The following SLC25A28 variants were observed in gnomAD, a reference collection of about 807,000 sequenced individuals.
The protein encoded by SLC25A28 is mitoferrin-2.
In SLC25A28, 10 loss-of-function variants were observed where a neutral mutation model predicts 31.9. That is an observed-to-expected ratio of 0.31 (90% CI 0.19 to 0.53). The LOEUF (loss-of-function observed/expected upper bound fraction) is 0.53. SLC25A28 is among the 20% of genes least tolerant of loss of function. SLC25A28 has a pLI of 0.95. For missense variants in SLC25A28, 256 were observed against 490.3 expected (o/e 0.52, Z 4.51); for synonymous variants, 208 against 203.6 (o/e 1.02, Z -0.19).
the SLC25A28 span, among the ~76,000 whole-genome samples, chr10:99,655,631 G>C: frequency 6.6e-6 from 1 of 152,078 alleles, no homozygotes; most frequent in Non-Finnish European, 1.5e-5. Context: ...TGGTATGAAT[G>C]TATCTCTTTT....
the SLC25A28 span, among the ~76,000 whole-genome samples, chr10:99,644,751 T>C: frequency 6.6e-6 from 1 of 152,200 alleles, no homozygotes; most frequent in Non-Finnish European, 1.5e-5. Flanking sequence ...GCAGGCCTGG[T>C]GGTGACAAAA....
chr10:99,610,870 T>C lies in SLC25A28; in HGVS notation c.1074A>G (p.Glu358=). Residue 358 remains glutamate (E), a synonymous_variant, in exon 4 of 4, where the codon GAA becomes GAG. Coordinates refer to ENST00000370495, the MANE Select transcript of SLC25A28 (RefSeq NM_031212.4). Reference sequence around the variant, plus strand: ...TACTTCACTTGCCAGCCCTCCACTCTTCTTGCCTTTTAGTGATTAGGTATT... The same window carrying C: ...TACTTCACTTGCCAGCCCTCCACTCCTCTTGCCTTTTAGTGATTAGGTATT... ...FFKYLITKRQ[E]EWRAGK The C allele has an allele frequency of 6.2e-7, 1 of 1,614,072 alleles. No individual in the cohort carries two copies. The highest frequency in any genetic ancestry group is 1.7e-5 in the Admixed American group (1 of 60,024).
the SLC25A28 span, among the ~76,000 whole-genome samples, chr10:99,648,620 T>C: frequency 6.6e-6 from 1 of 152,154 alleles, no homozygotes; most frequent in African/African-American, 2.4e-5. Context: ...CTACTATTTC[T>C]TTCATCAATG....
chr10:99,620,993 C>T, upstream of SLC25A28: 2 of 984,766 alleles, frequency 2.0e-6, no homozygotes, highest in Non-Finnish European at 2.4e-6. Flanking sequence ...GGCTGGAGAG[C>T]GGGCGGCCCT....
At chr10:99,650,829 C>G in the SLC25A28 span, among the ~76,000 whole-genome samples, 1 of 152,128 alleles carries the variant, frequency 6.6e-6, no homozygotes, top group Non-Finnish European at 1.5e-5. Context: ...TGGAGCAGGG[C>G]AACAGCTGCA....
the SLC25A28 span, among the ~76,000 whole-genome samples, chr10:99,639,450 A>G: frequency 2.0e-5 from 3 of 152,122 alleles, no homozygotes; most frequent in African/African-American, 7.2e-5. Flanking sequence ...ATATGTAACC[A>G]AATACCACCT....
the SLC25A28 span, among the ~76,000 whole-genome samples, chr10:99,642,899 C>G: frequency 6.6e-6 from 1 of 152,224 alleles, no homozygotes; most frequent in Non-Finnish European, 1.5e-5. Context: ...ACCAGCCTTG[C>G]ATCCTAGGGA....
Position 99,610,945 on chromosome 10 carries a change from A to G in SLC25A28, c.999T>C (p.Ile333=). The change falls in exon 4 of 4, where the codon ATT becomes ATC. Residue 333 remains isoleucine, a synonymous_variant. Coordinates refer to ENST00000370495, the MANE Select transcript of SLC25A28 (RefSeq NM_031212.4). ...CGATGGCTGTGGAGGGGATCTGGTA[A>G]ATTACTCTGGCCTGCACCCCTCGGA... is the stretch of plus-strand genomic sequence containing the variant. ...AYFRGVQARV[I]YQIPSTAIAW... 1 of 1,614,174 alleles carries G rather than the reference A, an allele frequency of 6.2e-7. No individual in the cohort carries two copies. The highest frequency in any genetic ancestry group is 1.3e-5 in the African/African-American group (1 of 75,036).
chr10:99,651,930 T>C, the SLC25A28 span: 1 of 152,102 alleles, frequency 6.6e-6, no homozygotes, highest in Admixed American at 6.6e-5. Flanking sequence ...TTTCTTTTGG[T>C]GTGTGAGTGT....
intron 1 of SLC25A28, chr10:99,619,106 T>C (rs2034725353): frequency 1.0e-6 from 1 of 985,338 alleles, no homozygotes. Flanking sequence ...TCTGTTTCTT[T>C]CTTCACCCAG....
chr10:99,637,712 C>CA, the SLC25A28 span, among the ~76,000 whole-genome samples: 1 of 150,266 alleles, frequency 6.7e-6, no homozygotes, highest in Non-Finnish European at 1.5e-5. Flanking sequence ...AACAAACAAA[C>CA]AAAAAAACTT....
the SLC25A28 span, among the ~76,000 whole-genome samples, chr10:99,634,426 C>T: frequency 5.4e-5 from 2 of 37,354 alleles, no homozygotes; most frequent in Admixed American, 3.1e-4. Flanking sequence ...GAGAAATATT[C>T]GAGGAAATAG....
intron 1 of SLC25A28, chr10:99,616,160 T>C: frequency 2.0e-6 from 2 of 985,398 alleles, no homozygotes; most frequent in Non-Finnish European, 2.4e-6. Flanking sequence ...GTGAAAAACT[T>C]CTACCTGGCT....
the SLC25A28 span, among the ~76,000 whole-genome samples, chr10:99,633,574 G>T: frequency 1.3e-5 from 2 of 150,748 alleles, no homozygotes; most frequent in Non-Finnish European, 2.9e-5. Flanking sequence ...GTGCATGCCT[G>T]TAATCACAGC....
chr10:99,627,261 CT>C, the SLC25A28 span, among the ~76,000 whole-genome samples: 2 of 151,716 alleles, frequency 1.3e-5, no homozygotes, highest in African/African-American at 4.8e-5. Flanking sequence ...AAAAAAAAGT[CT>C]TTTTTTGGAT....
At chr10:99,659,262 G>A in the SLC25A28 span, among the ~76,000 whole-genome samples, 1 of 152,242 alleles carries the variant, frequency 6.6e-6, no homozygotes, top group South Asian at 2.1e-4. The surrounding 1 kb of genome is among the most constrained non-coding windows in gnomAD (Gnocchi z 4.1). Context: ...GCTCTCCGCG[G>A]GCCCTGCAGG....
intron 1 of SLC25A28, chr10:99,615,868 G>A (rs1381538628): frequency 1.0e-6 from 1 of 985,306 alleles, no homozygotes; most frequent in African/African-American, 1.7e-5. Flanking sequence ...AGTCAATGGT[G>A]TATTTGGCTA....
chr10:99,620,439 C>T lies in SLC25A28; in HGVS notation c.-104G>A, dbSNP rs1007081212. The T allele has an allele frequency of 9.6e-6, 10 of 1,045,050 alleles. No homozygotes were observed. Among genetic ancestry groups the T allele is most frequent in the Non-Finnish European group, 1.0e-5 (9 of 869,530 alleles). 64.7% of individuals were successfully genotyped at this position (1,045,050 alleles called of 1,614,324 possible). On this transcript the variant is annotated 5_prime_UTR_variant, in exon 1 of 4. Coordinates refer to ENST00000370495, the MANE Select transcript of SLC25A28 (RefSeq NM_031212.4). ...CGCCTCAGGCGCGGCCCAGAGAGCCCGGGGCCTCCGGCTCCCGCTTGGCCC... is the reference window on the plus strand; with the variant it reads ...CGCCTCAGGCGCGGCCCAGAGAGCCTGGGGCCTCCGGCTCCCGCTTGGCCC...
At chr10:99,644,061 C>T in the SLC25A28 span, among the ~76,000 whole-genome samples, 4 of 151,458 alleles carry the variant, frequency 2.6e-5, no homozygotes, top group African/African-American at 7.3e-5. Flanking sequence ...GAGTGGAGAG[C>T]TCTGTAGATG....
Sources: allele counts gnomAD v4.1 joint callset (sites outside exome capture counted in the v4.1 genomes callset), GRCh38; gene constraint gnomAD v4.1.1; non-coding constraint Gnocchi (gnomAD v3.1); transcripts MANE v1.5; gene names NCBI Gene and HGNC (gene_info 2026-07-23, HGNC 2026-07-21).